Variants in TENM3 observed in about 807,000 individuals in gnomAD.
The protein encoded by TENM3 is teneurin-3.
In TENM3, 63 loss-of-function variants were observed where a neutral mutation model predicts 255.1. That is an observed-to-expected ratio of 0.25 (90% confidence interval 0.20 to 0.30). The LOEUF is 0.30. Among genes scored for constraint, TENM3 ranks in the 10% least tolerant of loss-of-function variants. TENM3 has a pLI of 1.00. For synonymous variants in TENM3, 1,306 were observed against 1,322.3 expected (o/e 0.99, Z 0.27); for missense variants, 2,929 against 3,461.1 (o/e 0.85, Z 3.86).
At chr4:182,049,538 G>C in the TENM3 span, among the ~76,000 whole-genome samples, 1 of 152,330 alleles carries the variant, frequency 6.6e-6, no homozygotes, top group Non-Finnish European at 1.5e-5. Context: ...TAGCTTCAGC[G>C]GGGAAGTTCA....
the TENM3 span, among the ~76,000 whole-genome samples, chr4:181,577,063 AT>A: frequency 8.7e-6 from 1 of 115,544 alleles, no homozygotes; most frequent in African/African-American, 3.1e-5. Flanking sequence ...TAAATTATAT[AT>A]TATATATAAA....
At chr4:182,502,090 G>A (rs916282328) in intron 3 of TENM3, among the ~76,000 whole-genome samples, 2 of 152,188 alleles carry the variant, frequency 1.3e-5, no homozygotes, top group African/African-American at 4.8e-5. Flanking sequence ...AAAATCATTT[G>A]CTCTCAGAAT....
At chr4:181,682,218 C>A in the TENM3 span, among the ~76,000 whole-genome samples, 2 of 152,134 alleles carry the variant, frequency 1.3e-5, no homozygotes, top group African/African-American at 4.8e-5. Context: ...CCTGCCACCG[C>A]CAAGGAGGGT....
At chr4:182,353,443 C>T (rs771578411) in intron 3 of TENM3, among the ~76,000 whole-genome samples, 7 of 152,164 alleles carry the variant, frequency 4.6e-5, no homozygotes, top group South Asian at 2.1e-4. Flanking sequence ...AAATAGCAAA[C>T]GTAATATGTC....
intron 24 of TENM3, among the ~76,000 whole-genome samples, chr4:182,779,214 C>A (rs1452042636): frequency 1.3e-5 from 2 of 151,912 alleles, no homozygotes; most frequent in African/African-American, 4.8e-5. Context: ...CCGCTCCCCC[C>A]ACCCCACAAC....
At chr4:182,639,764 C>G (rs1752137116) in intron 5 of TENM3, among the ~76,000 whole-genome samples, 1 of 152,170 alleles carries the variant, frequency 6.6e-6, no homozygotes, top group Non-Finnish European at 1.5e-5. Context: ...TTAGCCATCT[C>G]TGACACTTGC....
At chr4:182,370,594 T>C (rs1249603306) in intron 3 of TENM3, among the ~76,000 whole-genome samples, 1 of 152,230 alleles carries the variant, frequency 6.6e-6, no homozygotes, top group Non-Finnish European at 1.5e-5. Flanking sequence ...GAGAACAACG[T>C]GGTGTGGTAC....
the TENM3 span, among the ~76,000 whole-genome samples, chr4:181,564,801 C>A: frequency 1.3e-5 from 2 of 152,180 alleles, no homozygotes; most frequent in Non-Finnish European, 2.9e-5. Context: ...TTTACATAAG[C>A]CGCAGTATCC....
At position 182,799,894 on chromosome 4, in the gene TENM3, A is replaced by G; in HGVS notation, c.7643A>G (p.Tyr2548Cys). The change falls in exon 28 of 28, where the codon TAC (tyrosine) becomes TGC (cysteine). Residue 2548 changes from tyrosine (Y) to cysteine (C), a missense_variant. Coordinates refer to ENST00000511685, the MANE Select transcript of TENM3 (RefSeq NM_001080477.4). This position sits in a 1 kb window ranked among gnomAD's most constrained non-coding sequence, Gnocchi z 4.2. ...ACCATCGAGGGCAAGGACACGCACT[A>G]CTTCATCAAGACCACCACGCCCGAG... is the stretch of plus-strand genomic sequence containing the variant. The part of the protein sequence containing the change: ...HFTIEGKDTH[Y>C]FIKTTTPESD... 6.2e-7 allele frequency: 1 copy of G among 1,609,764 alleles called. No homozygotes were observed. Among genetic ancestry groups the G allele is most frequent in the Non-Finnish European group, 8.5e-7 (1 of 1,178,296 alleles).
At chr4:181,952,515 C>CA in the TENM3 span, among the ~76,000 whole-genome samples, 1 of 152,126 alleles carries the variant, frequency 6.6e-6, no homozygotes, top group Non-Finnish European at 1.5e-5. Context: ...AATGAGGAGA[C>CA]AAAATGTTGT....
intron 3 of TENM3, among the ~76,000 whole-genome samples, chr4:182,387,641 G>A (rs1417920052): frequency 1.3e-5 from 2 of 151,962 alleles, no homozygotes; most frequent in African/African-American, 2.4e-5. Flanking sequence ...CTGAGCCCAG[G>A]GAGTCCACGA....
At chr4:182,134,896 G>A in the TENM3 span, among the ~76,000 whole-genome samples, 3 of 151,894 alleles carry the variant, frequency 2.0e-5, no homozygotes, top group African/African-American at 7.3e-5. Flanking sequence ...AAGCTCTGCT[G>A]TCTTAAGCAC....
chr4:181,980,841 G>A, the TENM3 span, among the ~76,000 whole-genome samples: 2 of 151,892 alleles, frequency 1.3e-5, no homozygotes, highest in Non-Finnish European at 2.9e-5. Flanking sequence ...TGAAACTTAC[G>A]CCTATTTTTT....
At chr4:181,745,647 G>C in the TENM3 span, among the ~76,000 whole-genome samples, 1 of 152,104 alleles carries the variant, frequency 6.6e-6, no homozygotes, top group African/African-American at 2.4e-5. Context: ...TAAGGAGAGA[G>C]CTTGGGGAAG....
At chr4:181,699,637 T>C in the TENM3 span, among the ~76,000 whole-genome samples, 1 of 152,098 alleles carries the variant, frequency 6.6e-6, no homozygotes, top group Non-Finnish European at 1.5e-5. Flanking sequence ...TCTGAATACA[T>C]TTATGCAGTT....
At chr4:182,390,824 T>G (rs1292798009) in intron 3 of TENM3, among the ~76,000 whole-genome samples, 1 of 152,198 alleles carries the variant, frequency 6.6e-6, no homozygotes, top group Non-Finnish European at 1.5e-5. Flanking sequence ...CTCAGACTCA[T>G]TTATGATACT....
the TENM3 span, among the ~76,000 whole-genome samples, chr4:182,118,756 T>G: frequency 6.6e-6 from 1 of 152,210 alleles, no homozygotes; most frequent in Non-Finnish European, 1.5e-5. Flanking sequence ...ATGTGATGGA[T>G]TACATTAATT....
chr4:182,135,841 A>G, the TENM3 span, among the ~76,000 whole-genome samples: 1 of 152,220 alleles, frequency 6.6e-6, no homozygotes, highest in African/African-American at 2.4e-5. Context: ...CTTAGTTGAT[A>G]GTTCACAGAC....
chr4:182,548,094 T>C (rs1741630896), intron 3 of TENM3, among the ~76,000 whole-genome samples: 1 of 151,978 alleles, frequency 6.6e-6, no homozygotes, highest in Non-Finnish European at 1.5e-5. Context: ...CATGGTAGTG[T>C]ACACCTGTAG....
Sources: gnomAD v4.1 joint callset for allele counts (sites outside exome capture counted in the v4.1 genomes callset) on GRCh38, gnomAD v4.1.1 for gene constraint, Gnocchi (gnomAD v3.1) non-coding constraint, MANE v1.5 for transcripts, NCBI Gene and HGNC (gene_info 2026-07-23, HGNC 2026-07-21) for gene names.